Variants in AP5M1 observed in about 807,000 individuals in gnomAD.
AP5M1 encodes AP-5 complex subunit mu-1.
AP5M1 carries 44 observed loss-of-function variants against 52.3 expected under a neutral mutation model. The ratio of observed to expected loss-of-function variants is 0.84; its 90% CI spans 0.66 to 1.08. AP5M1 has a LOEUF of 1.08. Ranked by LOEUF, AP5M1 falls within the 50% of genes least tolerant of loss-of-function variation. The pLI, the probability that AP5M1 is intolerant of heterozygous loss-of-function variation, is 0.00. For synonymous variants in AP5M1, 213 were observed against 199.0 expected, an observed-to-expected ratio of 1.07 and a Z score of -0.59; for missense variants, 526 against 568.4, an observed-to-expected ratio of 0.93 and a Z score of 0.76.
Position 57,297,454 on chromosome 14 carries a change from A to G in AP5M1, c.*8570A>G, listed in dbSNP as rs1016428292. ...TAACATTTGTATGCTAATGTGTCTT[A>G]GATTTACCAACTATCCTAATGTGTA... On this transcript the variant is annotated 3_prime_UTR_variant, in exon 8 of 8. Coordinates refer to ENST00000261558, the MANE Select transcript of AP5M1 (RefSeq NM_018229.4). 2 of 152,262 alleles carry G rather than the reference A, an allele frequency of 1.3e-5. No individual in the cohort carries two copies. The highest frequency in any genetic ancestry group is 4.8e-5 in the African/African-American group (2 of 41,560). The allele number at this position is 152,262 out of a possible 1,614,324, so 9.4% of individuals were successfully genotyped here. A position where few individuals can be genotyped will look rare whatever the true frequency, so the allele number is the denominator to read the frequency against.
At position 57,282,221 on chromosome 14, in the gene AP5M1, T is replaced by A; in HGVS notation, c.1081T>A (p.Tyr361Asn). The change falls in exon 4 of 8, where the codon TAC becomes AAC. Residue 361 changes from tyrosine to asparagine, a missense_variant. Around this residue, in one of 3 missense-constraint regions of AP5M1, gnomAD observed 425 missense variants for 430.6 expected, o/e 0.99. Coordinates refer to ENST00000261558, the MANE Select transcript of AP5M1 (RefSeq NM_018229.4). ...FEFCEAHIPF[Y>N]NRGPITHLEY... is the part of the protein sequence containing the mutation. Reference sequence around the variant, plus strand: ...ATTCTGTGAAGCCCATATACCTTTTTACAATAGGTAGGAATAAAATGCATA... The same window carrying A: ...ATTCTGTGAAGCCCATATACCTTTTAACAATAGGTAGGAATAAAATGCATA... 6.5e-7 allele frequency: 1 copy of A among 1,529,102 alleles called. No individual in the cohort carries two copies. The highest frequency in any genetic ancestry group is 8.7e-7 in the Non-Finnish European group (1 of 1,145,216). The allele number at this position is 1,529,102 out of a possible 1,614,324, so 94.7% of individuals were successfully genotyped here.
chr14:57,278,883 G>T (rs139392950), intron 2 of AP5M1, among the ~76,000 whole-genome samples: 1 of 152,280 alleles, frequency 6.6e-6, no homozygotes, highest in African/African-American at 2.4e-5. Flanking sequence ...GGCATGTACA[G>T]ACCCTTCCCA....
At chr14:57,277,361 A>G (rs1885065230) in intron 2 of AP5M1, among the ~76,000 whole-genome samples, 1 of 152,052 alleles carries the variant, frequency 6.6e-6, no homozygotes. Flanking sequence ...CTAAGTATAA[A>G]CTGAATATTA....
At position 57,275,076 on chromosome 14, in the gene AP5M1, G is replaced by T. The variant is rs538173376; in HGVS notation, c.720+187G>T. On this transcript the variant is annotated intron_variant, in intron 2 of 7. Coordinates refer to ENST00000261558, the MANE Select transcript of AP5M1 (RefSeq NM_018229.4). ...TTACCAATTATATTAGTTATCTGTGGCTGTGTAAAGAATTGTCTCATTGTC... is the reference window on the plus strand; with the variant it reads ...TTACCAATTATATTAGTTATCTGTGTCTGTGTAAAGAATTGTCTCATTGTC... 14 of 637,328 alleles carry T rather than the reference G, an allele frequency of 2.2e-5. No individual in the cohort carries two copies. The South Asian group carries it at 2.8e-4, about 13-fold the overall frequency. 39.5% of individuals were successfully genotyped at this position (637,328 alleles called of 1,614,324 possible).
chr14:57,272,013 A>G (rs977867193), intron 1 of AP5M1, among the ~76,000 whole-genome samples: 7 of 152,218 alleles, frequency 4.6e-5, no homozygotes, highest in South Asian at 4.1e-4. Flanking sequence ...GTACCAATAC[A>G]ATATCTGTTG....
At position 57,298,349 on chromosome 14, in the gene AP5M1, T is replaced by C. The variant is rs1184641496; in HGVS notation, c.*9465T>C. The C allele has an allele frequency of 5.3e-5, 8 of 152,162 alleles. No individual in the cohort carries two copies. The East Asian group carries it at 1.3e-3, about 26-fold the overall frequency. The allele number at this position is 152,162 out of a possible 1,614,324, so 9.4% of individuals were successfully genotyped here. A position where few individuals can be genotyped will look rare whatever the true frequency, so the allele number is the denominator to read the frequency against. On this transcript the variant is annotated 3_prime_UTR_variant, in exon 8 of 8. Transcript: ENST00000261558. ...CATTAACCATAAAGGCAAAGTGGTA[T>C]AGAGAAAATAATACAGTCTTTGAAG...
In AP5M1 at chr14:57,274,532, A is replaced by G. The variant is rs1884972741; in HGVS notation, c.363A>G (p.Pro121=). The G allele has an allele frequency of 6.2e-7, 1 of 1,614,144 alleles. No homozygotes were observed. Among genetic ancestry groups the G allele is most frequent in the Non-Finnish European group, 8.5e-7 (1 of 1,180,014 alleles). ...AACAAACTCTGTCCCCTCGTCCGCC[A>G]CTAATTAGTGTCAGTGGAGTTTCAC... The part of the protein sequence containing the change: ...LVEQTLSPRP[P]LISVSGVSQG... The change falls in exon 2 of 8, where the codon CCA becomes CCG. Residue 121 remains proline (P), a synonymous_variant. Transcript: ENST00000261558.
chr14:57,269,807 T>C (rs1489568741), intron 1 of AP5M1, among the ~76,000 whole-genome samples: 1 of 152,188 alleles, frequency 6.6e-6, no homozygotes, highest in Non-Finnish European at 1.5e-5. Flanking sequence ...AGACTTTTAT[T>C]TTTTTGTTTT....
chr14:57,269,606 G>A, intron 1 of AP5M1, among the ~76,000 whole-genome samples: 1 of 151,950 alleles, frequency 6.6e-6, no homozygotes. Flanking sequence ...TATTATTTAC[G>A]GTATATGTTT....
At chr14:57,272,156 T>C (rs772233398) in intron 1 of AP5M1, among the ~76,000 whole-genome samples, 4 of 152,242 alleles carry the variant, frequency 2.6e-5, no homozygotes, top group Admixed American at 2.0e-4. Context: ...AAGTCAGATA[T>C]GTTTGGATGG....
At chr14:57,284,318 A>G (rs1011371724) in intron 6 of AP5M1, among the ~76,000 whole-genome samples, 2 of 152,360 alleles carry the variant, frequency 1.3e-5, no homozygotes, top group African/African-American at 4.8e-5. Flanking sequence ...GACTGGATAC[A>G]TAATTTAGAT....
intron 1 of AP5M1, 130 bp downstream of exon 1, chr14:57,269,518 C>G (rs756485272): frequency 3.7e-5 from 29 of 785,246 alleles, no homozygotes; most frequent in Non-Finnish European, 6.2e-5. Context: ...GTTAACAGAC[C>G]TCTGTTTCGT....
intron 3 of AP5M1, among the ~76,000 whole-genome samples, chr14:57,281,047 G>T (rs1885162117): frequency 6.6e-6 from 1 of 151,816 alleles, no homozygotes; most frequent in Non-Finnish European, 1.5e-5. Flanking sequence ...CTCATCGCAG[G>T]CAACCTGAAT....
chr14:57,297,244 C>CA lies in AP5M1; in HGVS notation c.*8367dup, dbSNP rs1290949331. 2.4e-4 allele frequency: 37 copies of CA among 151,702 alleles called. No individual in the cohort carries two copies. Among genetic ancestry groups the CA allele is most frequent in the Admixed American group, 2.2e-3 (33 of 15,170 alleles). The allele number at this position is 151,702 out of a possible 1,614,324, so 9.4% of individuals were successfully genotyped here. On this transcript the variant is annotated 3_prime_UTR_variant, in exon 8 of 8. Transcript: ENST00000261558. ...TTATACTGAAATACTAAATTAAATA[C>CA]AAAAAAACTCCTACATACTAACTAT...
rs953028134 is a variant in AP5M1, at chr14:57,294,616, G to T, written c.*5732G>T. 2 of 151,852 alleles carry T rather than the reference G, an allele frequency of 1.3e-5. No homozygotes were observed. Among genetic ancestry groups the T allele is most frequent in the East Asian group, 1.9e-4 (1 of 5,198 alleles). 9.4% of individuals were successfully genotyped at this position (151,852 alleles called of 1,614,324 possible). A position where few individuals can be genotyped will look rare whatever the true frequency, so the allele number is the denominator to read the frequency against. On this transcript the variant is annotated 3_prime_UTR_variant, in exon 8 of 8. Coordinates refer to ENST00000261558, the MANE Select transcript of AP5M1 (RefSeq NM_018229.4). ...TTTCTTTTCTCCACTGGTTTTATAG[G>T]TGTGTTTAGTGTGAAGAATGTGATA...
intron 3 of AP5M1, 76 bp downstream of exon 3, chr14:57,280,498 C>CCAAGAGTATGAA: frequency 4.1e-6 from 4 of 973,838 alleles, no homozygotes; most frequent in Non-Finnish European, 6.3e-6. Context: ...ATAATTCATA[C>CCAAGAGTATGAA]TCTTGGTATG....
chr14:57,282,791 T>G, intron 4 of AP5M1, 143 bp from the exon 5 acceptor site: 1 of 491,094 alleles, frequency 2.0e-6, no homozygotes, highest in East Asian at 3.2e-5. Context: ...TTAACATTCA[T>G]TATTTGTTCT....
In AP5M1 at chr14:57,296,704, CT is replaced by C. The variant is rs1276900021; in HGVS notation, c.*7821del. The C allele has an allele frequency of 6.6e-6, 1 of 151,884 alleles. No individual in the cohort carries two copies. The highest frequency in any genetic ancestry group is 1.5e-5 in the Non-Finnish European group (1 of 67,960). 9.4% of individuals were successfully genotyped at this position (151,884 alleles called of 1,614,324 possible). ...TGTTATTTTATTTAATATTGAAGGC[CT>C]AAACACAATTGAACATAAGGTATGG... On this transcript the variant is annotated 3_prime_UTR_variant, in exon 8 of 8. Transcript: ENST00000261558.
chr14:57,282,205 A>T lies in AP5M1; in HGVS notation c.1065A>T (p.Glu355Asp), dbSNP rs997934129. 12 of 1,569,544 alleles carry T rather than the reference A, an allele frequency of 7.6e-6. No individual in the cohort carries two copies. The highest frequency in any genetic ancestry group is 9.5e-6 in the Non-Finnish European group (11 of 1,162,346). The change falls in exon 4 of 8, where the codon GAA becomes GAT. Residue 355 changes from glutamate (E) to aspartate (D), a missense_variant. By Grantham distance (45) the Glu-to-Asp change is conservative. Transcript: ENST00000261558. ...ESVKNNFEFC[E>D]AHIPFYNRGP... ...TGAAAAATAATTTTGAATTCTGTGA[A>T]GCCCATATACCTTTTTACAATAGGT...
Sources: gnomAD v4.1 joint callset for allele counts (sites outside exome capture counted in the v4.1 genomes callset) on GRCh38, gnomAD v4.1.1 for gene constraint, gnomAD v4.1.1 regional missense constraint, MANE v1.5 for transcripts, NCBI Gene and HGNC (gene_info 2026-07-23, HGNC 2026-07-21) for gene names.